PRKG1: variants seen among roughly 807,000 people sequenced by gnomAD.
PRKG1 encodes the protein cGMP-dependent protein kinase 1.
A neutral mutation model predicts 88.1 loss-of-function variants in PRKG1; 35 were observed. That is an observed-to-expected ratio of 0.40 (90% CI 0.30 to 0.53). The LOEUF (loss-of-function observed/expected upper bound fraction) is 0.53, where lower values mean the gene tolerates loss of function less well. Ranked by LOEUF, PRKG1 falls within the 20% of genes least tolerant of loss-of-function variation. The pLI is 0.59. For missense variants in PRKG1, 540 were observed against 839.8 expected (o/e 0.64, Z 4.41); for synonymous variants, 303 against 292.5 (o/e 1.04, Z -0.37).
intron 5 of PRKG1, among the ~76,000 whole-genome samples, chr10:51,920,566 C>T (rs140423523): frequency 2.0e-5 from 3 of 152,198 alleles, no homozygotes; most frequent in East Asian, 3.9e-4. Context: ...TATATGTATG[C>T]ATATATGTGT....
intron 5 of PRKG1, chr10:51,910,850 T>G (rs550996958): frequency 6.6e-6 from 1 of 152,342 alleles, no homozygotes; most frequent in Admixed American, 6.5e-5. Context: ...CAATGGCCAG[T>G]GAGAAGTGGT....
chr10:51,381,487 TA>T (rs1201979897), intron 2 of PRKG1, among the ~76,000 whole-genome samples: 5 of 151,914 alleles, frequency 3.3e-5, no homozygotes, highest in Non-Finnish European at 5.9e-5. Context: ...GCTTAGTTGC[TA>T]AATGAGTTTT....
chr10:51,987,701 G>T (rs573687520), intron 5 of PRKG1, among the ~76,000 whole-genome samples: 3 of 151,716 alleles, frequency 2.0e-5, no homozygotes, highest in African/African-American at 7.3e-5. Flanking sequence ...GTAACTATTC[G>T]CTCTAAAGAA....
intron 14 of PRKG1, among the ~76,000 whole-genome samples, chr10:52,284,855 G>A (rs3793783): frequency 0.078 from 11,794 of 152,076 alleles, 608 homozygotes; most frequent in South Asian, 0.19. Context: ...GGAGTGAAAA[G>A]GGGGAGAGAG....
At chr10:51,467,666 A>G in intron 2 of PRKG1, 57 bp from the exon 3 acceptor site, 1 of 1,410,086 alleles carries the variant, frequency 7.1e-7, no homozygotes, top group Non-Finnish European at 1.0e-6. Flanking sequence ...TTAAAAATGC[A>G]ACAAATGAAG....
At chr10:51,980,502 G>A (rs1904044) in intron 5 of PRKG1, among the ~76,000 whole-genome samples, 16,984 of 152,146 alleles carry the variant, frequency 0.11, 1,084 homozygotes, top group South Asian at 0.25. Flanking sequence ...AGGTCCATTT[G>A]ATCCAGTACT....
chr10:51,490,821 T>G (rs1840689756), intron 3 of PRKG1, among the ~76,000 whole-genome samples: 1 of 152,140 alleles, frequency 6.6e-6, no homozygotes, highest in African/African-American at 2.4e-5. Flanking sequence ...GATGGAAGCA[T>G]AAAAGTGTCC....
chr10:52,125,417 C>G (rs1366811985), intron 7 of PRKG1, among the ~76,000 whole-genome samples: 2 of 152,168 alleles, frequency 1.3e-5, no homozygotes, highest in Non-Finnish European at 2.9e-5. Flanking sequence ...GTTGTCTGTC[C>G]TAATTGCTGA....
At chr10:51,519,373 T>C (rs1841678045) in intron 3 of PRKG1, among the ~76,000 whole-genome samples, 1 of 152,132 alleles carries the variant, frequency 6.6e-6, no homozygotes, top group South Asian at 2.1e-4. Flanking sequence ...ATCATGCAAT[T>C]AGTAAATGGC....
chr10:51,253,742 A>G (rs527882505), intron 2 of PRKG1, among the ~76,000 whole-genome samples: 4 of 152,072 alleles, frequency 2.6e-5, no homozygotes, highest in East Asian at 1.9e-4. Flanking sequence ...AGGCCAGAAC[A>G]TAGAAGTGCC....
intron 5 of PRKG1, among the ~76,000 whole-genome samples, chr10:51,982,078 A>AT (rs1288331933): frequency 2.0e-5 from 3 of 151,706 alleles, no homozygotes; most frequent in East Asian, 1.9e-4. Context: ...AAGCTCTGAG[A>AT]TTTTTTCCTC....
intron 1 of PRKG1, among the ~76,000 whole-genome samples, chr10:51,013,605 T>A (rs893125157): frequency 3.9e-5 from 6 of 152,150 alleles, no homozygotes; most frequent in Non-Finnish European, 8.8e-5. Flanking sequence ...TTAGCCAGGA[T>A]GGTCTCTATC....
At chr10:51,128,417 A>T (rs964208548) in intron 1 of PRKG1, among the ~76,000 whole-genome samples, 138 of 152,340 alleles carry the variant, frequency 9.1e-4, no homozygotes, top group African/African-American at 3.3e-3. Context: ...CATTAAAATT[A>T]AGTGAATTTC....
intron 9 of PRKG1, among the ~76,000 whole-genome samples, chr10:52,198,459 C>T (rs1305220581): frequency 6.6e-6 from 1 of 152,060 alleles, no homozygotes; most frequent in African/African-American, 2.4e-5. Flanking sequence ...CCGAGAATGA[C>T]TTCAGGAAGG....
Position 51,813,785 on chromosome 10 carries a change from A to C in PRKG1, c.698+9095A>C, listed in dbSNP as rs1051622546. Among the ~76,000 whole-genome samples, 6 of 152,240 alleles carry C rather than the reference A, an allele frequency of 3.9e-5. No individual in the cohort carries two copies. In the East Asian group the frequency reaches 9.7e-4, roughly 25 times the overall value. On this transcript the variant is annotated intron_variant, in intron 4 of 17. Transcript: ENST00000373980. ...CTTAGGTTGATTTTGTTCTTGGAGT[A>C]CCTGGGTTTCCTATTCACCATATTT...
chr10:52,212,263 A>G (rs1001072207), intron 9 of PRKG1, among the ~76,000 whole-genome samples: 1 of 152,232 alleles, frequency 6.6e-6, no homozygotes, highest in Non-Finnish European at 1.5e-5. Context: ...GCAATCGGCC[A>G]CCAGTGATTG....
intron 7 of PRKG1, among the ~76,000 whole-genome samples, chr10:52,093,977 G>T (rs1307696981): frequency 2.0e-5 from 3 of 152,142 alleles, no homozygotes; most frequent in Admixed American, 2.0e-4. Flanking sequence ...CCCTATGGTT[G>T]CAGAAATCAA....
intron 2 of PRKG1, among the ~76,000 whole-genome samples, chr10:51,359,357 T>C (rs1842431316): frequency 6.6e-6 from 1 of 151,820 alleles, no homozygotes; most frequent in Non-Finnish European, 1.5e-5. Flanking sequence ...CTTCCTCTGA[T>C]GGATGGGAAA....
At chr10:52,105,683 T>G (rs1847402466) in intron 7 of PRKG1, among the ~76,000 whole-genome samples, 1 of 152,108 alleles carries the variant, frequency 6.6e-6, no homozygotes, top group South Asian at 2.1e-4. Context: ...TAAGTAAACT[T>G]GTGTCATGGG....
Sources: gnomAD v4.1 joint callset for allele counts (sites outside exome capture counted in the v4.1 genomes callset) on GRCh38, gnomAD v4.1.1 for gene constraint, MANE v1.5 for transcripts, NCBI Gene and HGNC (gene_info 2026-07-23, HGNC 2026-07-21) for gene names.